The following LCOR variants were observed in gnomAD, a reference collection of about 807,000 sequenced individuals.
LCOR encodes the protein ligand dependent nuclear receptor corepressor, also known as ligand-dependent corepressor.
Under a neutral mutation model 64.4 loss-of-function variants are expected in LCOR, and 14 were observed. That is an observed-to-expected ratio of 0.22 (90% CI 0.14 to 0.34). The LOEUF (loss-of-function observed/expected upper bound fraction) is 0.34. Among genes scored for constraint, LCOR ranks in the 10% least tolerant of loss-of-function variants. The pLI is 1.00. For synonymous variants in LCOR, 643 were observed against 642.5 expected (o/e 1.00, Z -0.01); for missense variants, 1,686 against 1,765.3 (o/e 0.96, Z 0.80).
intron 1 of LCOR, among the ~76,000 whole-genome samples, chr10:96,832,802 G>A (rs953082721): frequency 6.6e-6 from 1 of 150,428 alleles, no homozygotes; most frequent in Non-Finnish European, 1.5e-5. Context: ...TGTACTGGGG[G>A]AGGCGCGAGG....
chr10:96,891,047 G>T (rs1328098662), intron 2 of LCOR, among the ~76,000 whole-genome samples: 1 of 152,114 alleles, frequency 6.6e-6, no homozygotes, highest in Non-Finnish European at 1.5e-5. Context: ...AGATTTATGG[G>T]ATGAGTTTGG....
Position 96,985,317 on chromosome 10 carries a change from TG to T in LCOR, c.*184del. The T allele has an allele frequency of 1.5e-6, 1 of 665,802 alleles. No homozygotes were observed. 41.2% of individuals were successfully genotyped at this position (665,802 alleles called of 1,614,324 possible). ...GAAGGGAACTTGCAGAGTCCTTCTC[TG>T]AGGCTAAGGGAAGTTATATATTATA... is the stretch of plus-strand genomic sequence containing the variant. On this transcript the variant is annotated 3_prime_UTR_variant, in exon 8 of 8. Transcript: ENST00000421806.
In LCOR at chr10:96,967,547, CGTGAGT is replaced by C. The variant is rs1847962339; in HGVS notation, c.333-13245_333-13240del. On this transcript the variant is annotated intron_variant, in intron 7 of 7. Coordinates refer to ENST00000421806, the MANE Select transcript of LCOR (RefSeq NM_001346516.2). ...ATGGTTTTTAGACCTTATTTCAACT[CGTGAGT>C]TGAAATATTTAAAATGATAGAAAAT... is the stretch of plus-strand genomic sequence containing the variant. Among the ~76,000 whole-genome samples, 18 of 152,164 alleles carry C rather than the reference CGTGAGT, an allele frequency of 1.2e-4. No homozygotes were observed. The South Asian group carries it at 3.7e-3, about 32-fold the overall frequency.
At chr10:96,875,385 A>AAAT (rs1363005576) in intron 2 of LCOR, among the ~76,000 whole-genome samples, 1 of 151,574 alleles carries the variant, frequency 6.6e-6, no homozygotes, top group African/African-American at 2.4e-5. Context: ...ATAAAAAAAA[A>AAAT]AATAATAATA....
chr10:96,935,112 AC>A (rs1200635507), intron 4 of LCOR, among the ~76,000 whole-genome samples: 1 of 132,202 alleles, frequency 7.6e-6, no homozygotes, highest in Non-Finnish European at 1.7e-5. Flanking sequence ...GGTTTCTTTA[AC>A]TTTTCCTTAT....
chr10:96,923,885 G>C (rs1383146039), intron 4 of LCOR, among the ~76,000 whole-genome samples: 1 of 152,158 alleles, frequency 6.6e-6, no homozygotes, highest in African/African-American at 2.4e-5. Flanking sequence ...CTAAAGAGTT[G>C]TAAGCAACTC....
At chr10:96,897,229 A>G (rs1846554778) in intron 2 of LCOR, among the ~76,000 whole-genome samples, 1 of 152,218 alleles carries the variant, frequency 6.6e-6, no homozygotes, top group Non-Finnish European at 1.5e-5. Context: ...AAATGAATAC[A>G]TATGTTATTG....
intron 4 of LCOR, among the ~76,000 whole-genome samples, chr10:96,918,117 A>T (rs1402215767): frequency 6.6e-6 from 1 of 152,246 alleles, no homozygotes; most frequent in Non-Finnish European, 1.5e-5. Flanking sequence ...GGAGTAAAGC[A>T]CAAAATACTG....
At chr10:96,858,990 G>A (rs1490420330) in intron 2 of LCOR, among the ~76,000 whole-genome samples, 1 of 152,144 alleles carries the variant, frequency 6.6e-6, no homozygotes, top group Non-Finnish European at 1.5e-5. Flanking sequence ...GCACATTGCA[G>A]TATTGTGCTT....
intron 2 of LCOR, among the ~76,000 whole-genome samples, chr10:96,851,045 T>C (rs190500756): frequency 6.6e-6 from 1 of 152,344 alleles, no homozygotes; most frequent in Non-Finnish European, 1.5e-5. Context: ...AAAGCTTGTA[T>C]CTTTGCTGTT....
Position 96,832,331 on chromosome 10 carries a change from G to C in LCOR, c.-472G>C, listed in dbSNP as rs1027449967. ...GCGAGGGTGTGTAGGCGGCAGCAAT[G>C]CTCCGTTGAGAGACGCGGCTTTCGG... On this transcript the variant is annotated 5_prime_UTR_variant, in exon 1 of 8. It removes an upstream start codon present in the reference 5' UTR. Transcript: ENST00000421806. The C allele has an allele frequency of 8.1e-6, 8 of 984,462 alleles. No individual in the cohort carries two copies. The highest frequency in any genetic ancestry group is 2.4e-6 in the Non-Finnish European group (2 of 829,648). The allele number at this position is 984,462 out of a possible 1,614,324, so 61.0% of individuals were successfully genotyped here. A position where few individuals can be genotyped will look rare whatever the true frequency, so the allele number is the denominator to read the frequency against.
intron 4 of LCOR, among the ~76,000 whole-genome samples, chr10:96,943,865 G>A (rs540343730): frequency 6.6e-6 from 1 of 152,046 alleles, no homozygotes; most frequent in Admixed American, 6.6e-5. Flanking sequence ...GGCAGTTAAA[G>A]TTTAGTTAGA....
intron 7 of LCOR, among the ~76,000 whole-genome samples, chr10:96,966,220 CTTTTTTTTTTTT>C (rs34210121): frequency 9.1e-5 from 5 of 55,148 alleles, no homozygotes; most frequent in Non-Finnish European, 1.4e-4. Context: ...CCAAAGGACT[CTTTTTTTTTTTT>C]TTTTTTTTTT....
intron 2 of LCOR, among the ~76,000 whole-genome samples, chr10:96,862,574 A>G (rs545499312): frequency 6.6e-6 from 1 of 152,120 alleles, no homozygotes; most frequent in Non-Finnish European, 1.5e-5. Flanking sequence ...CCACGTAGGC[A>G]TGATTGGTAA....
chr10:96,859,115 T>A (rs942326559), intron 2 of LCOR, among the ~76,000 whole-genome samples: 1 of 152,204 alleles, frequency 6.6e-6, no homozygotes, highest in Non-Finnish European at 1.5e-5. Context: ...AATGAGGTTC[T>A]AACATGACAG....
Position 96,985,225 on chromosome 10 carries a change from C to T in LCOR, c.*91C>T. On this transcript the variant is annotated 3_prime_UTR_variant, in exon 8 of 8. Coordinates refer to ENST00000421806, the MANE Select transcript of LCOR (RefSeq NM_001346516.2). ...AATCTGCTTTTATAAGCTTATCAAG[C>T]CTTTCAAATTTACAGTTAATGGAGA... is the stretch of plus-strand genomic sequence containing the variant. 7.0e-7 allele frequency: 1 copy of T among 1,420,318 alleles called. No homozygotes were observed. The highest frequency in any genetic ancestry group is 2.4e-5 in the East Asian group (1 of 41,174). 88.0% of individuals were successfully genotyped at this position (1,420,318 alleles called of 1,614,324 possible).
intron 4 of LCOR, among the ~76,000 whole-genome samples, chr10:96,931,724 A>G (rs545918563): frequency 2.6e-5 from 4 of 152,352 alleles, no homozygotes; most frequent in Admixed American, 1.3e-4. Context: ...ATTAAATTTT[A>G]TATACAAACA....
intron 4 of LCOR, among the ~76,000 whole-genome samples, chr10:96,913,201 G>A (rs1319609709): frequency 3.9e-5 from 6 of 152,044 alleles, no homozygotes; most frequent in African/African-American, 1.5e-4. Context: ...TCGGTACTAG[G>A]TGTATGTACT....
chr10:96,975,433 A>C (rs1458548002), intron 7 of LCOR, among the ~76,000 whole-genome samples: 1 of 152,006 alleles, frequency 6.6e-6, no homozygotes, highest in Non-Finnish European at 1.5e-5. Flanking sequence ...GTTCAGAATC[A>C]TGTAAATATC....
Sources: allele counts gnomAD v4.1 joint callset (sites outside exome capture counted in the v4.1 genomes callset), GRCh38; gene constraint gnomAD v4.1.1; transcripts MANE v1.5; gene names NCBI Gene and HGNC (gene_info 2026-07-23, HGNC 2026-07-21).